Variants in FMNL2 observed in about 807,000 individuals in gnomAD.
FMNL2 encodes the protein formin-like protein 2.
Under a neutral mutation model 130.2 loss-of-function variants are expected in FMNL2, and 51 were observed. That is an observed-to-expected ratio of 0.39 (90% confidence interval 0.31 to 0.49). FMNL2 has a LOEUF of 0.49. FMNL2 is among the 20% of genes least tolerant of loss of function. The pLI, the probability that FMNL2 is intolerant of heterozygous loss-of-function variation, is 0.85. For synonymous variants in FMNL2, 465 were observed against 467.1 expected (o/e 1.00, Z 0.06); for missense variants, 977 against 1,316.2 (o/e 0.74, Z 3.99).
At chr2:152,571,110 C>T (rs901397455) in intron 6 of FMNL2, among the ~76,000 whole-genome samples, 4 of 152,152 alleles carry the variant, frequency 2.6e-5, no homozygotes, top group Non-Finnish European at 5.9e-5. Context: ...AACCAGCAGC[C>T]TGGCAGCCTC....
intron 2 of FMNL2, among the ~76,000 whole-genome samples, chr2:152,529,315 A>G (rs1693566376): frequency 6.6e-6 from 1 of 152,294 alleles, no homozygotes. Context: ...CCCGAGTTCC[A>G]GCAATGTACC....
At chr2:152,624,901 T>G (rs1681671114) in intron 15 of FMNL2, among the ~76,000 whole-genome samples, 1 of 152,122 alleles carries the variant, frequency 6.6e-6, no homozygotes, top group African/African-American at 2.4e-5. Flanking sequence ...AGCCAATATA[T>G]CTTCATTATC....
intron 9 of FMNL2, among the ~76,000 whole-genome samples, chr2:152,597,180 A>G (rs527657134): frequency 6.6e-6 from 1 of 151,812 alleles, no homozygotes; most frequent in South Asian, 2.1e-4. Flanking sequence ...TACAGTTTTC[A>G]TGTGTTTGCT....
At chr2:152,543,063 C>G (rs745998158) in intron 3 of FMNL2, among the ~76,000 whole-genome samples, 3 of 152,216 alleles carry the variant, frequency 2.0e-5, no homozygotes, top group Non-Finnish European at 4.4e-5. Context: ...TGTTGAGTCA[C>G]TGCTATTTCC....
At chr2:152,579,325 G>C (rs1696646258) in intron 8 of FMNL2, among the ~76,000 whole-genome samples, 1 of 150,488 alleles carries the variant, frequency 6.6e-6, no homozygotes, top group Non-Finnish European at 1.5e-5. Context: ...CTGGAAGCTA[G>C]CTAAAACCAC....
chr2:152,609,199 T>C (rs1698552442), intron 10 of FMNL2, among the ~76,000 whole-genome samples: 2 of 152,252 alleles, frequency 1.3e-5, no homozygotes, highest in Admixed American at 1.3e-4. Context: ...CACATATACA[T>C]GCAATGAGGT....
chr2:152,625,764 G>A (rs1422732624), intron 16 of FMNL2, among the ~76,000 whole-genome samples: 1 of 152,188 alleles, frequency 6.6e-6, no homozygotes, highest in Non-Finnish European at 1.5e-5. Flanking sequence ...AAAGAGTTAT[G>A]TTAAATTGGA....
chr2:152,590,943 A>G (rs1200177809), intron 9 of FMNL2, among the ~76,000 whole-genome samples: 2 of 132,230 alleles, frequency 1.5e-5, no homozygotes, highest in Non-Finnish European at 3.1e-5. Flanking sequence ...TGGCTAGACT[A>G]TCCCTCTTGT....
intron 11 of FMNL2, among the ~76,000 whole-genome samples, chr2:152,612,375 C>G (rs1698731121): frequency 6.6e-6 from 1 of 152,042 alleles, no homozygotes; most frequent in South Asian, 2.1e-4. Flanking sequence ...AAAAAATTAG[C>G]CAGGTGTGGT....
chr2:152,483,907 C>T (rs1265394370), intron 1 of FMNL2, among the ~76,000 whole-genome samples: 1 of 152,174 alleles, frequency 6.6e-6, no homozygotes. Flanking sequence ...ACCTATGATC[C>T]AGGATCCTGT....
At chr2:152,647,508 C>CT (rs1683691400) in intron 25 of FMNL2, among the ~76,000 whole-genome samples, 2 of 152,160 alleles carry the variant, frequency 1.3e-5, no homozygotes, top group African/African-American at 2.4e-5. Flanking sequence ...ATTTAAGAAA[C>CT]ATTTCAAAAT....
chr2:152,350,047 G>T (rs1310519833), intron 1 of FMNL2, among the ~76,000 whole-genome samples: 2 of 152,152 alleles, frequency 1.3e-5, no homozygotes, highest in African/African-American at 4.8e-5. Flanking sequence ...TGAAGGGGAT[G>T]CACAGGTACA....
chr2:152,375,122 A>ACCCCC (rs1684083074), intron 1 of FMNL2, among the ~76,000 whole-genome samples: 4 of 152,266 alleles, frequency 2.6e-5, no homozygotes, highest in Admixed American at 1.3e-4. Context: ...AGTGAGTTAA[A>ACCCCC]GCCTTAGAGG....
In FMNL2 at chr2:152,636,477, G is replaced by C; in HGVS notation, c.2731G>C (p.Asp911His). Residue 911 changes from aspartate to histidine, a missense_variant, in exon 22 of 26, where the codon GAC becomes CAC. Asp to His is a moderately conservative substitution (Grantham distance 81). Around this residue, in one of 4 missense-constraint regions of FMNL2, gnomAD observed 689 missense variants for 995.9 expected, o/e 0.69. Transcript: ENST00000288670. ...LDVKELQRGMDLTKREYTMHD... is the reference protein window; with the variant it reads ...LDVKELQRGMHLTKREYTMHD... Reference sequence around the variant, plus strand: ...TGTCAAGGAGCTCCAGAGGGGAATGGACTTGACCAAGAGAGAGTACACCAT... The same window carrying C: ...TGTCAAGGAGCTCCAGAGGGGAATGCACTTGACCAAGAGAGAGTACACCAT... 1 of 1,611,966 alleles carries C rather than the reference G, an allele frequency of 6.2e-7. No homozygotes were observed. Among genetic ancestry groups the C allele is most frequent in the Non-Finnish European group, 8.5e-7 (1 of 1,179,018 alleles).
chr2:152,404,848 A>G (rs192354936), intron 1 of FMNL2, among the ~76,000 whole-genome samples: 79 of 152,298 alleles, frequency 5.2e-4, no homozygotes, highest in African/African-American at 1.8e-3. Context: ...CCATGTTGAA[A>G]TAACATGAGA....
At chr2:152,555,538 A>G (rs1217430847) in intron 4 of FMNL2, among the ~76,000 whole-genome samples, 1 of 152,216 alleles carries the variant, frequency 6.6e-6, no homozygotes, top group Admixed American at 6.5e-5. Flanking sequence ...ATTTGGGGAG[A>G]CAGAACAAAG....
chr2:152,460,887 G>A (rs1463989928), intron 1 of FMNL2, among the ~76,000 whole-genome samples: 1 of 152,064 alleles, frequency 6.6e-6, no homozygotes, highest in Non-Finnish European at 1.5e-5. Flanking sequence ...ATAGTGAATT[G>A]TATAATTATT....
At chr2:152,471,740 T>A (rs551991795) in intron 1 of FMNL2, among the ~76,000 whole-genome samples, 3 of 152,090 alleles carry the variant, frequency 2.0e-5, no homozygotes, top group Non-Finnish European at 4.4e-5. Flanking sequence ...AGGTTCTGGA[T>A]GATGGTGATG....
intron 1 of FMNL2, among the ~76,000 whole-genome samples, chr2:152,495,783 A>G (rs776067066): frequency 5.3e-5 from 8 of 152,014 alleles, no homozygotes; most frequent in African/African-American, 1.4e-4. Context: ...CGAAATGCCA[A>G]TCAACTAGGA....
Sources: gnomAD v4.1 joint callset for allele counts (sites outside exome capture counted in the v4.1 genomes callset) on GRCh38, gnomAD v4.1.1 for gene constraint, gnomAD v4.1.1 regional missense constraint, MANE v1.5 for transcripts, NCBI Gene and HGNC (gene_info 2026-07-23, HGNC 2026-07-21) for gene names.